DCAF8: variants seen among roughly 807,000 people sequenced by gnomAD.
DCAF8 encodes DDB1- and CUL4-associated factor 8.
Under a neutral mutation model 68.0 loss-of-function variants are expected in DCAF8, and 20 were observed. The observed-to-expected ratio is 0.29, with a 90% CI of 0.21 to 0.43. DCAF8 has a LOEUF of 0.43. DCAF8 is among the 20% of genes least tolerant of loss of function. DCAF8 has a pLI of 1.00. For synonymous variants in DCAF8, 230 were observed against 276.9 expected, an observed-to-expected ratio of 0.83 and a Z score of 1.68; for missense variants, 460 against 771.0, an observed-to-expected ratio of 0.60 and a Z score of 4.78.
chr1:160,229,521 C>A (rs1411556110), intron 7 of DCAF8, among the ~76,000 whole-genome samples: 1 of 152,132 alleles, frequency 6.6e-6, no homozygotes, highest in Non-Finnish European at 1.5e-5. Context: ...GAATACAGTT[C>A]TCAATACAGC....
At position 160,219,744 on chromosome 1, in the gene DCAF8, TTC is replaced by T. The variant is rs1655237266; in HGVS notation, c.1441-778_1441-777del. 2.6e-5 allele frequency: 4 copies of T among 152,248 alleles called. No individual in the cohort carries two copies. In the South Asian group the frequency reaches 8.3e-4, roughly 32 times the overall value. 9.4% of individuals were successfully genotyped at this position (152,248 alleles called of 1,614,324 possible). A position where few individuals can be genotyped will look rare whatever the true frequency, so the allele number is the denominator to read the frequency against. ...AGGCCTTCTAGCTTAGGCAGCTTCC[TTC>T]TGTCCGAAAGGCACCCAATGCCCCC... On this transcript the variant is annotated intron_variant, in intron 11 of 13. Coordinates refer to ENST00000368074, the MANE Select transcript of DCAF8 (RefSeq NM_015726.4).
chr1:160,244,685 T>C (rs941271456), intron 2 of DCAF8, among the ~76,000 whole-genome samples: 13 of 151,906 alleles, frequency 8.6e-5, no homozygotes, highest in African/African-American at 2.9e-4. Flanking sequence ...TGGCGCTATC[T>C]AGGCTCACTG....
chr1:160,239,808 G>A lies in DCAF8; in HGVS notation c.612C>T (p.Arg204=), dbSNP rs144644529. 4,895 of 1,614,236 alleles carry A rather than the reference G, an allele frequency of 3.0e-3. 12 individuals carry two copies. The highest frequency in any genetic ancestry group is 3.9e-3 in the Non-Finnish European group (4,569 of 1,180,044). ...GCVNTLHFNQ[R]GTWLASGSDD... ...CGCTGCCACTGGCCAGCCAGGTGCC[G>A]CGCTGGTTAAAGTGCAGGGTATTGA... The change falls in exon 4 of 14, where the codon CGC becomes CGT. Residue 204 remains arginine, a synonymous_variant. Transcript: ENST00000368074.
chr1:160,257,937 T>C (rs1486951186), intron 2 of DCAF8, among the ~76,000 whole-genome samples: 1 of 152,176 alleles, frequency 6.6e-6, no homozygotes. Flanking sequence ...CAATATTGCC[T>C]AGGCTGGACT....
At position 160,225,133 on chromosome 1, in the gene DCAF8, C is replaced by A; in HGVS notation, c.1144-14G>T. 2 of 1,612,418 alleles carry A rather than the reference C, an allele frequency of 1.2e-6. No individual in the cohort carries two copies. The highest frequency in any genetic ancestry group is 1.7e-6 in the Non-Finnish European group (2 of 1,178,928). On this transcript the variant is annotated splice_polypyrimidine_tract_variant and intron_variant, in intron 8 of 13. Coordinates refer to ENST00000368074, the MANE Select transcript of DCAF8 (RefSeq NM_015726.4). ...CTCACTGTTCACCTGCAATAAGGAG[C>A]AGATACTGACTGATGCCCCACCCCC...
In DCAF8 at chr1:160,225,117, C is replaced by A. The variant is rs745591149; in HGVS notation, c.1146G>T (p.Val382=). 3 of 1,614,104 alleles carry A rather than the reference C, an allele frequency of 1.9e-6. No individual in the cohort carries two copies. The highest frequency in any genetic ancestry group is 3.3e-5 in the Admixed American group (2 of 60,014). ...TGATGTTTGCTTTGGACTCACTGTT[C>A]ACCTGCAATAAGGAGCAGATACTGA... is the stretch of plus-strand genomic sequence containing the variant. ...VLKKFCPHHL[V]NSESKANITC... The change falls in exon 9 of 14, where the codon GTG becomes GTT. Residue 382 remains valine (V), a splice_region_variant and synonymous_variant. Coordinates refer to ENST00000368074, the MANE Select transcript of DCAF8 (RefSeq NM_015726.4).
Position 160,240,008 on chromosome 1 carries a change from C to A in DCAF8, c.412G>T (p.Asp138Tyr). 6.2e-7 allele frequency: 1 copy of A among 1,614,262 alleles called. No homozygotes were observed. Among genetic ancestry groups the A allele is most frequent in the South Asian group, 1.1e-5 (1 of 91,084 alleles). Residue 138 changes from aspartate (D) to tyrosine (Y), a missense_variant, in exon 4 of 14, where the codon GAC (aspartate) becomes TAC (tyrosine). This residue lies in a region of DCAF8 where 156 missense variants were observed against 181.4 expected (regional missense o/e 0.86). Coordinates refer to ENST00000368074, the MANE Select transcript of DCAF8 (RefSeq NM_015726.4). ...GCTGATGTTTCTGAGGACACCCAGT[C>A]CTCTAGGGCCCGCTCATCATCTGAT... ...DSSDDERALEDWVSSETSALP... is the reference protein window; with the variant it reads ...DSSDDERALEYWVSSETSALP...
At chr1:160,226,129 T>A (rs1655464040) in intron 7 of DCAF8, among the ~76,000 whole-genome samples, 2 of 152,146 alleles carry the variant, frequency 1.3e-5, no homozygotes, top group Non-Finnish European at 2.9e-5. Flanking sequence ...TTGAAGTGGT[T>A]TATCTCTCTC....
chr1:160,217,410 A>G lies in DCAF8; in HGVS notation c.*182T>C, dbSNP rs1380921237. ...AGCCCCATTCCAGGGCTCAACTCCCATTCCTAGGTACTCTTTGTTGGTTCA... is the reference window on the plus strand; with the variant it reads ...AGCCCCATTCCAGGGCTCAACTCCCGTTCCTAGGTACTCTTTGTTGGTTCA... On this transcript the variant is annotated 3_prime_UTR_variant, in exon 14 of 14. Coordinates refer to ENST00000368074, the MANE Select transcript of DCAF8 (RefSeq NM_015726.4). 5 of 523,988 alleles carry G rather than the reference A, an allele frequency of 9.5e-6. No homozygotes were observed. The highest frequency in any genetic ancestry group is 3.9e-5 in the African/African-American group (2 of 51,722). 32.5% of individuals were successfully genotyped at this position (523,988 alleles called of 1,614,324 possible). A position where few individuals can be genotyped will look rare whatever the true frequency, so the allele number is the denominator to read the frequency against.
Position 160,216,246 on chromosome 1 carries a change from G to A in DCAF8, c.*1346C>T, listed in dbSNP as rs1397552577. 1 of 152,152 alleles carries A rather than the reference G, an allele frequency of 6.6e-6. No individual in the cohort carries two copies. The highest frequency in any genetic ancestry group is 1.5e-5 in the Non-Finnish European group (1 of 68,054). 9.4% of individuals were successfully genotyped at this position (152,152 alleles called of 1,614,324 possible). Reference sequence around the variant, plus strand: ...CTATAAAGAAGGGAACTGGCATGAAGTTGGATGGCTTAATGATCAAGCAGC... The same window carrying A: ...CTATAAAGAAGGGAACTGGCATGAAATTGGATGGCTTAATGATCAAGCAGC... On this transcript the variant is annotated 3_prime_UTR_variant, in exon 14 of 14. Transcript: ENST00000368074.
intron 2 of DCAF8, 42 bp from the exon 3 acceptor site, chr1:160,244,076 A>C: frequency 6.9e-7 from 1 of 1,451,524 alleles, no homozygotes; most frequent in Non-Finnish European, 9.7e-7. Context: ...TTAGGAAACC[A>C]CCTGGGAAAG....
In DCAF8 at chr1:160,241,481, T is replaced by C. The variant is rs998537532; in HGVS notation, c.50-1111A>G. 1.2e-4 allele frequency among the ~76,000 whole-genome samples: 18 copies of C among 152,352 alleles called. No individual in the cohort carries two copies. In the East Asian group the frequency reaches 3.3e-3, roughly 28 times the overall value. ...GTATATTCTAGGTCTGCTATGCTGATAGTTAAATAACTAGGTCACTTTTAT... is the reference window on the plus strand; with the variant it reads ...GTATATTCTAGGTCTGCTATGCTGACAGTTAAATAACTAGGTCACTTTTAT... On this transcript the variant is annotated intron_variant, in intron 3 of 13. Coordinates refer to ENST00000368074, the MANE Select transcript of DCAF8 (RefSeq NM_015726.4).
chr1:160,224,732 A>C (rs1655410460), intron 9 of DCAF8, among the ~76,000 whole-genome samples, 183 bp from the exon 10 acceptor site: 1 of 152,210 alleles, frequency 6.6e-6, no homozygotes, highest in East Asian at 1.9e-4. Context: ...CACACTGCCA[A>C]CCCAGGGGCA....
At chr1:160,223,663 C>T (rs374558809) in intron 10 of DCAF8, among the ~76,000 whole-genome samples, 16 of 152,132 alleles carry the variant, frequency 1.1e-4, no homozygotes, top group African/African-American at 3.1e-4. Flanking sequence ...TTTGGGAAGT[C>T]GAGGCAGGCG....
chr1:160,224,618 G>A (rs1352872825), intron 9 of DCAF8, 69 bp from the exon 10 acceptor site: 1 of 1,253,592 alleles, frequency 8.0e-7, no homozygotes, highest in Non-Finnish European at 1.2e-6. Context: ...GGTGGGGGTT[G>A]GGGTGGGGCT....
At chr1:160,240,881 C>A (rs1035612445) in intron 3 of DCAF8, among the ~76,000 whole-genome samples, 1 of 152,148 alleles carries the variant, frequency 6.6e-6, no homozygotes, top group African/African-American at 2.4e-5. Context: ...AAGAAAGTAT[C>A]AGGCCAGGCA....
At chr1:160,231,449 G>T (rs769043325) in intron 6 of DCAF8, 42 bp from the exon 7 acceptor site, 1 of 1,460,576 alleles carries the variant, frequency 6.8e-7, no homozygotes, top group South Asian at 1.1e-5. Flanking sequence ...TACTCCAAAA[G>T]ATCCAAATGG....
intron 6 of DCAF8, among the ~76,000 whole-genome samples, chr1:160,234,358 T>C (rs1655798674): frequency 6.6e-6 from 1 of 152,186 alleles, no homozygotes; most frequent in African/African-American, 2.4e-5. Context: ...CTGTCTTTAT[T>C]ACTCAAATCT....
Position 160,262,527 on chromosome 1 carries a change from G to A in DCAF8, c.-179C>T, listed in dbSNP as rs1287232150. ...GCTGCCACGCTTTCCGGCCCCGTTT[G>A]CGACGATGTGCTCGAGAAGACTGAG... On this transcript the variant is annotated 5_prime_UTR_variant, in exon 1 of 14. Transcript: ENST00000368074. 1 of 399,200 alleles carries A rather than the reference G, an allele frequency of 2.5e-6. No individual in the cohort carries two copies. Among genetic ancestry groups the A allele is most frequent in the African/African-American group, 2.1e-5 (1 of 48,632 alleles). 24.7% of individuals were successfully genotyped at this position (399,200 alleles called of 1,614,324 possible). A position where few individuals can be genotyped will look rare whatever the true frequency, so the allele number is the denominator to read the frequency against.
Sources: allele counts gnomAD v4.1 joint callset (sites outside exome capture counted in the v4.1 genomes callset), GRCh38; gene constraint gnomAD v4.1.1; regional missense constraint gnomAD v4.1.1; transcripts MANE v1.5; gene names NCBI Gene and HGNC (gene_info 2026-07-23, HGNC 2026-07-21).